The following CRIM1 variants were observed in gnomAD, a reference collection of about 807,000 sequenced individuals.
CRIM1 encodes cysteine rich transmembrane BMP regulator 1, also known as cysteine-rich motor neuron 1 protein.
A neutral mutation model predicts 116.4 loss-of-function variants in CRIM1; 32 were observed. That is an observed-to-expected ratio of 0.27 (90% CI 0.21 to 0.37). The LOEUF is 0.37. Among genes scored for constraint, CRIM1 ranks in the 10% least tolerant of loss-of-function variants. CRIM1 has a pLI of 1.00. For missense variants in CRIM1, 1,331 were observed against 1,354.8 expected, an observed-to-expected ratio of 0.98 and a Z score of 0.28; for synonymous variants, 590 against 509.2, an observed-to-expected ratio of 1.16 and a Z score of -2.13.
At chr2:36,462,015 C>T (rs920457786) in intron 4 of CRIM1, among the ~76,000 whole-genome samples, 2 of 152,090 alleles carry the variant, frequency 1.3e-5, no homozygotes, top group African/African-American at 2.4e-5. Context: ...GATCAGAAGG[C>T]TTTGCAGGGA....
rs772603121 is a variant in CRIM1 at position 36,547,196 on chromosome 2, C to G, written c.2934+25C>G. The G allele has an allele frequency of 2.2e-5, 34 of 1,574,666 alleles. 1 individual carries two copies. The Admixed American group carries it at 5.8e-4, about 27-fold the overall frequency. On this transcript the variant is annotated intron_variant, in intron 16 of 16. Coordinates refer to ENST00000280527, the MANE Select transcript of CRIM1 (RefSeq NM_016441.3). ...GGTACTGTCTTGCAAAAGTTAGTCT[C>G]TTGAATGATGAATCTAGGAAAACTT... is the stretch of plus-strand genomic sequence containing the variant.
chr2:36,404,467 T>C (rs1229688545), intron 2 of CRIM1, among the ~76,000 whole-genome samples: 1 of 152,198 alleles, frequency 6.6e-6, no homozygotes, highest in African/African-American at 2.4e-5. Context: ...CAGCATTCTC[T>C]ACAAGTACCT....
chr2:36,524,435 C>G, intron 13 of CRIM1, among the ~76,000 whole-genome samples: 1 of 149,792 alleles, frequency 6.7e-6, no homozygotes, highest in East Asian at 2.0e-4. Context: ...TATATCAAAA[C>G]TTTTTTTTTT....
chr2:36,512,615 A>G lies in CRIM1; in HGVS notation c.1780+221A>G, dbSNP rs568798627. 2.0e-5 allele frequency among the ~76,000 whole-genome samples: 3 copies of G among 152,330 alleles called. No homozygotes were observed. The South Asian group carries it at 6.2e-4, about 32-fold the overall frequency. ...AAGTAAGTATATGATGGACAAGCAC[A>G]TTGACTAAATTAATCACTTCCTAGC... On this transcript the variant is annotated intron_variant, in intron 10 of 16. Coordinates refer to ENST00000280527, the MANE Select transcript of CRIM1 (RefSeq NM_016441.3).
intron 13 of CRIM1, among the ~76,000 whole-genome samples, chr2:36,534,819 G>A (rs1293928053): frequency 6.6e-6 from 1 of 152,048 alleles, no homozygotes; most frequent in Non-Finnish European, 1.5e-5. Flanking sequence ...GGACAAGATG[G>A]AATGAGGAGT....
At chr2:36,390,206 A>C (rs573188848) in intron 1 of CRIM1, among the ~76,000 whole-genome samples, 34 of 152,158 alleles carry the variant, frequency 2.2e-4, no homozygotes, top group Non-Finnish European at 4.1e-4. Flanking sequence ...TAAGTTGTTC[A>C]CTCTTATAAA....
intron 2 of CRIM1, among the ~76,000 whole-genome samples, chr2:36,400,810 G>A (rs1672349877): frequency 6.6e-6 from 1 of 152,152 alleles, no homozygotes; most frequent in Admixed American, 6.5e-5. Context: ...ACAGGGCATG[G>A]GTGATTTTGC....
chr2:36,418,822 T>C (rs1486810511), intron 2 of CRIM1, among the ~76,000 whole-genome samples: 1 of 152,226 alleles, frequency 6.6e-6, no homozygotes, highest in Non-Finnish European at 1.5e-5. Context: ...TCTCCATGGA[T>C]CTGTGACCTT....
chr2:36,379,726 A>ATTTC (rs1397752165), intron 1 of CRIM1, among the ~76,000 whole-genome samples: 1 of 110,584 alleles, frequency 9.0e-6, no homozygotes, highest in Non-Finnish European at 1.9e-5. Context: ...CAGGGATTCT[A>ATTTC]TTTCTTTCTT....
At position 36,356,307 on chromosome 2, in the gene CRIM1, G is replaced by C; in HGVS notation, c.15G>C (p.Ala5=). 6.5e-7 allele frequency: 1 copy of C among 1,541,548 alleles called. No homozygotes were observed. The highest frequency in any genetic ancestry group is 8.7e-7 in the Non-Finnish European group (1 of 1,145,240). ...GGCGCAGGAGGATGTACTTGGTGGC[G>C]GGGGACAGGGGGTTGGCCGGCTGCG... MYLV[A]GDRGLAGCGH... The change falls in exon 1 of 17, where the codon GCG becomes GCC. Residue 5 remains alanine, a synonymous_variant. Transcript: ENST00000280527. This position sits in a 1 kb window ranked among gnomAD's most constrained non-coding sequence, Gnocchi z 4.3.
At chr2:36,437,137 A>AGG (rs1675375546) in intron 2 of CRIM1, among the ~76,000 whole-genome samples, 1 of 152,246 alleles carries the variant, frequency 6.6e-6, no homozygotes, top group African/African-American at 2.4e-5. Context: ...GCACTTTGGG[A>AGG]GGCCGAGGCG....
chr2:36,388,032 G>T (rs1321542709), intron 1 of CRIM1, among the ~76,000 whole-genome samples: 8 of 149,344 alleles, frequency 5.4e-5, no homozygotes, highest in Non-Finnish European at 1.2e-4. Flanking sequence ...CCCCATCAAT[G>T]TTGACATATG....
intron 1 of CRIM1, among the ~76,000 whole-genome samples, chr2:36,363,429 C>T (rs1468582553): frequency 6.6e-6 from 1 of 150,948 alleles, no homozygotes; most frequent in African/African-American, 2.4e-5. Context: ...GTCTCTTGTT[C>T]TCTTAATCCC....
chr2:36,364,045 G>A (rs564981600), intron 1 of CRIM1, among the ~76,000 whole-genome samples: 1 of 152,280 alleles, frequency 6.6e-6, no homozygotes, highest in East Asian at 1.9e-4. Context: ...ACTTGTGTAA[G>A]CCAGTTTTTC....
chr2:36,530,267 G>C (rs1224341445), intron 13 of CRIM1, among the ~76,000 whole-genome samples: 1 of 152,104 alleles, frequency 6.6e-6, no homozygotes, highest in Non-Finnish European at 1.5e-5. Context: ...GGCCTGGTGA[G>C]TCAGCGCATT....
intron 6 of CRIM1, 59 bp from the exon 7 acceptor site, chr2:36,479,438 T>G: frequency 6.5e-7 from 1 of 1,538,068 alleles, no homozygotes; most frequent in Non-Finnish European, 9.0e-7. Context: ...CTCTGGGTAC[T>G]GACAGAGATA....
At chr2:36,506,208 CA>C in intron 8 of CRIM1, among the ~76,000 whole-genome samples, 2 of 150,228 alleles carry the variant, frequency 1.3e-5, no homozygotes, top group African/African-American at 4.9e-5. Flanking sequence ...CACACACACA[CA>C]CACACACTCA....
chr2:36,404,323 A>G (rs992384632), intron 2 of CRIM1, among the ~76,000 whole-genome samples: 4 of 152,342 alleles, frequency 2.6e-5, no homozygotes, highest in East Asian at 1.9e-4. Context: ...GTATCTGACT[A>G]TAGTAGAGCT....
Position 36,396,783 on chromosome 2 carries a change from T to C in CRIM1, c.501T>C (p.Ile167=). ...QDMCLSALKR[I]EEEKPDCSKA... ...TGTGCCTTTCAGCTTTAAAGAGAATTGAAGGTAAGCATTAATTTTTGTTAA... is the reference window on the plus strand; with the variant it reads ...TGTGCCTTTCAGCTTTAAAGAGAATCGAAGGTAAGCATTAATTTTTGTTAA... The change falls in exon 2 of 17, where the codon ATT becomes ATC. Residue 167 remains isoleucine (I), a synonymous_variant. Coordinates refer to ENST00000280527, the MANE Select transcript of CRIM1 (RefSeq NM_016441.3). 1.2e-6 allele frequency: 2 copies of C among 1,607,058 alleles called. No homozygotes were observed. The highest frequency in any genetic ancestry group is 2.2e-5 in the East Asian group (1 of 44,626).
Sources: allele counts gnomAD v4.1 joint callset (sites outside exome capture counted in the v4.1 genomes callset), GRCh38; gene constraint gnomAD v4.1.1; non-coding constraint Gnocchi (gnomAD v3.1); transcripts MANE v1.5; gene names NCBI Gene and HGNC (gene_info 2026-07-23, HGNC 2026-07-21).